PRCP: variants seen among roughly 807,000 people sequenced by gnomAD.
PRCP encodes lysosomal Pro-X carboxypeptidase.
PRCP carries 46 observed loss-of-function variants against 54.2 expected under a neutral mutation model. The observed-to-expected ratio is 0.85, with a 90% CI of 0.67 to 1.09. The LOEUF (loss-of-function observed/expected upper bound fraction) is 1.09, where lower values mean the gene tolerates loss of function less well. PRCP is among the 50% of genes least tolerant of loss of function. PRCP has a pLI of 0.00. For missense variants in PRCP, 613 were observed against 596.8 expected, an observed-to-expected ratio of 1.03 and a Z score of -0.28; for synonymous variants, 240 against 212.2, an observed-to-expected ratio of 1.13 and a Z score of -1.14.
At chr11:82,825,274 A>G in intron 8 of PRCP, 152 bp from the exon 9 acceptor site, 3 of 684,720 alleles carry the variant, frequency 4.4e-6, no homozygotes, top group Non-Finnish European at 7.2e-6. Flanking sequence ...TATCATATGG[A>G]TAGATACTTC....
In PRCP at chr11:82,853,293, CA is replaced by C; in HGVS notation, c.310-16del. The C allele has an allele frequency of 6.3e-7, 1 of 1,584,348 alleles. No individual in the cohort carries two copies. Among genetic ancestry groups the C allele is most frequent in the South Asian group, 1.1e-5 (1 of 87,112 alleles). The stretch of plus-strand genomic sequence containing the variant: ...CACATGAACCCCTAAGAAGAGTTTA[CA>C]AAATCACAGGATAAAATCAGAATGT... On this transcript the variant is annotated splice_polypyrimidine_tract_variant and intron_variant, in intron 2 of 8. Coordinates refer to ENST00000313010, the MANE Select transcript of PRCP (RefSeq NM_005040.4).
intron 3 of PRCP, among the ~76,000 whole-genome samples, chr11:82,851,117 G>A (rs1276390521): frequency 6.6e-6 from 1 of 152,158 alleles, no homozygotes; most frequent in Admixed American, 6.6e-5. Flanking sequence ...TAAACATCCT[G>A]CTCTCTACAT....
intron 1 of PRCP, among the ~76,000 whole-genome samples, chr11:82,869,928 A>G (rs1223182382): frequency 1.3e-5 from 2 of 152,232 alleles, no homozygotes; most frequent in Non-Finnish European, 2.9e-5. Context: ...ACTGCTGAGG[A>G]AGCAGGAAAT....
chr11:82,885,212 T>C (rs1859837370), intron 1 of PRCP, among the ~76,000 whole-genome samples: 1 of 152,252 alleles, frequency 6.6e-6, no homozygotes, highest in East Asian at 1.9e-4. Context: ...TGTTCAGTTA[T>C]AGTCACCAAT....
At chr11:82,844,732 C>CAAAA (rs11284339) in intron 6 of PRCP, among the ~76,000 whole-genome samples, 19 of 91,114 alleles carry the variant, frequency 2.1e-4, no homozygotes, top group South Asian at 3.7e-4. Context: ...GGCTCCGTCT[C>CAAAA]AAAAAAAAAA....
Position 82,849,923 on chromosome 11 carries a change from A to G in PRCP, c.742T>C (p.Ser248Pro). ...CTTAATTAAAGCTTACCAGTATTTG[A>G]GAGTCGATTAATGGCATCCCAGGAC... The part of the protein sequence containing the change: ...HRSWDAINRL[S>P]NTGSGLQWLT... The change falls in exon 5 of 9, where the codon TCA becomes CCA. Residue 248 changes from serine (S) to proline (P), a missense_variant. Ser to Pro is a moderately conservative substitution (Grantham distance 74, BLOSUM62 -1). Coordinates refer to ENST00000313010, the MANE Select transcript of PRCP (RefSeq NM_005040.4). 6.7e-7 allele frequency: 1 copy of G among 1,497,656 alleles called. No homozygotes were observed. 92.8% of individuals were successfully genotyped at this position (1,497,656 alleles called of 1,614,324 possible).
chr11:82,868,803 G>A lies in PRCP; in HGVS notation c.169-8686C>T, dbSNP rs77489694. ...TAATCCCAGCGCTTTGGGAGGCTGA[G>A]GCGGGAGGATCAAATTGAGGCCAGG... On this transcript the variant is annotated intron_variant, in intron 1 of 8. Transcript: ENST00000313010. 1.1e-4 allele frequency among the ~76,000 whole-genome samples: 16 copies of A among 152,296 alleles called. No homozygotes were observed. The East Asian group carries it at 2.7e-3, about 26-fold the overall frequency.
At chr11:82,901,171 G>T (rs549399916), upstream of PRCP, among the ~76,000 whole-genome samples, 3 of 152,206 alleles carry the variant, frequency 2.0e-5, no homozygotes, top group East Asian at 5.8e-4. Flanking sequence ...CCGTTCTTGG[G>T]TCACCCCAAA....
At chr11:82,849,876 A>C in intron 5 of PRCP, 38 bp downstream of exon 5, 1 of 1,362,676 alleles carries the variant, frequency 7.3e-7, no homozygotes. Context: ...TGAAAGGTTA[A>C]AAAAACACAC....
chr11:82,872,030 T>C (rs1203069180), intron 1 of PRCP, among the ~76,000 whole-genome samples: 1 of 152,196 alleles, frequency 6.6e-6, no homozygotes, highest in African/African-American at 2.4e-5. Context: ...ACAAGATATT[T>C]TGAGAGAGAG....
intron 1 of PRCP, among the ~76,000 whole-genome samples, chr11:82,895,716 A>G (rs1211946020): frequency 6.6e-6 from 1 of 152,200 alleles, no homozygotes; most frequent in East Asian, 1.9e-4. Flanking sequence ...AGAAAGGGGA[A>G]GAAAAATTTA....
chr11:82,896,960 TC>T (rs1175391936), intron 1 of PRCP, among the ~76,000 whole-genome samples: 4 of 152,080 alleles, frequency 2.6e-5, no homozygotes, highest in Non-Finnish European at 5.9e-5. Flanking sequence ...GGACCCATTC[TC>T]CCTCTTCACT....
At position 82,867,783 on chromosome 11, in the gene PRCP, C is replaced by T. The variant is rs553122841; in HGVS notation, c.169-7666G>A. ...CTGTAGCCCAGGCAAAGTAGAGTGGCCAGATCATAGCTCACTGCAGCCTCG... is the reference window on the plus strand; with the variant it reads ...CTGTAGCCCAGGCAAAGTAGAGTGGTCAGATCATAGCTCACTGCAGCCTCG... On this transcript the variant is annotated intron_variant, in intron 1 of 8. Transcript: ENST00000313010. Among the ~76,000 whole-genome samples, 3 of 152,164 alleles carry T rather than the reference C, an allele frequency of 2.0e-5. No individual in the cohort carries two copies. The South Asian group carries it at 6.2e-4, about 32-fold the overall frequency.
intron 1 of PRCP, among the ~76,000 whole-genome samples, chr11:82,877,747 T>C (rs1859642141): frequency 6.6e-6 from 1 of 152,138 alleles, no homozygotes; most frequent in East Asian, 1.9e-4. Flanking sequence ...GGAGCCCTCA[T>C]GGAGAACCTC....
intron 1 of PRCP, among the ~76,000 whole-genome samples, chr11:82,861,310 T>C (rs1186506338): frequency 1.3e-5 from 2 of 152,178 alleles, no homozygotes; most frequent in African/African-American, 4.8e-5. Flanking sequence ...AATTAGAATA[T>C]GACAGTTCTG....
At chr11:82,833,864 C>G (rs1057440440) in intron 8 of PRCP, among the ~76,000 whole-genome samples, 3 of 152,042 alleles carry the variant, frequency 2.0e-5, no homozygotes, top group Non-Finnish European at 2.9e-5. Context: ...CTTGAAAGTC[C>G]TTTCTTACAC....
chr11:82,884,679 A>C, intron 1 of PRCP: 2 of 1,216,592 alleles, frequency 1.6e-6, no homozygotes, highest in Non-Finnish European at 2.3e-6. Context: ...GAAGACCACA[A>C]ATGTTCTGAT....
At chr11:82,891,110 C>T (rs1262741642) in intron 1 of PRCP, among the ~76,000 whole-genome samples, 3 of 152,146 alleles carry the variant, frequency 2.0e-5, no homozygotes, top group Non-Finnish European at 4.4e-5. Flanking sequence ...ATTTCTGAAA[C>T]CAAGTTCCTC....
intron 2 of PRCP, 23 bp from the exon 3 acceptor site, chr11:82,853,301 C>A: frequency 6.3e-7 from 1 of 1,579,216 alleles, no homozygotes; most frequent in Non-Finnish European, 8.6e-7. Context: ...TACAAAATCA[C>A]AGGATAAAAT....
Sources: gnomAD v4.1 joint callset for allele counts (sites outside exome capture counted in the v4.1 genomes callset) on GRCh38, gnomAD v4.1.1 for gene constraint, MANE v1.5 for transcripts, NCBI Gene and HGNC (gene_info 2026-07-23, HGNC 2026-07-21) for gene names.